Variants in THSD7A observed in about 807,000 individuals in gnomAD.
THSD7A encodes the protein thrombospondin type 1 domain containing 7A, also known as thrombospondin type-1 domain-containing protein 7A.
A neutral mutation model predicts 231.3 loss-of-function variants in THSD7A; 96 were observed. The ratio of observed to expected loss-of-function variants is 0.41; its 90% CI spans 0.35 to 0.49. The LOEUF is 0.49. Among genes scored for constraint, THSD7A ranks in the 20% least tolerant of loss-of-function variants. The pLI is 0.05. For synonymous variants in THSD7A, 940 were observed against 743.3 expected, an observed-to-expected ratio of 1.26 and a Z score of -4.30; for missense variants, 2,290 against 2,070.2, an observed-to-expected ratio of 1.11 and a Z score of -2.06.
chr7:11,425,741 C>T (rs978008719), intron 15 of THSD7A, among the ~76,000 whole-genome samples: 1 of 145,958 alleles, frequency 6.9e-6, no homozygotes, highest in East Asian at 1.9e-4. Flanking sequence ...TACACACACA[C>T]ACACACACAC....
At chr7:11,490,856 G>A (rs1457888041) in intron 6 of THSD7A, among the ~76,000 whole-genome samples, 1 of 152,064 alleles carries the variant, frequency 6.6e-6, no homozygotes, top group African/African-American at 2.4e-5. Context: ...CTTAATGGAA[G>A]CTAATAATAG....
chr7:11,420,675 C>T (rs909500794), intron 16 of THSD7A, among the ~76,000 whole-genome samples: 4 of 152,196 alleles, frequency 2.6e-5, no homozygotes, highest in East Asian at 1.9e-4. Flanking sequence ...GGCCACAGTT[C>T]TCCAGACCCC....
intron 23 of THSD7A, among the ~76,000 whole-genome samples, chr7:11,391,915 G>T: frequency 6.6e-6 from 1 of 152,028 alleles, no homozygotes; most frequent in East Asian, 2.0e-4. Context: ...CTTGCCCTCC[G>T]TGGGCTGCAC....
chr7:11,590,158 A>C lies in THSD7A; in HGVS notation c.1453+302T>G, dbSNP rs924346468. Among the ~76,000 whole-genome samples the C allele has an allele frequency of 2.0e-5, 3 of 152,174 alleles. No individual in the cohort carries two copies. Among genetic ancestry groups the C allele is most frequent in the Admixed American group, 6.5e-5 (1 of 15,278 alleles). On this transcript the variant is annotated intron_variant, in intron 4 of 27. Coordinates refer to ENST00000423059, the MANE Select transcript of THSD7A (RefSeq NM_015204.3). The surrounding 1 kb of genome is among the most constrained non-coding windows in gnomAD (Gnocchi z 4.4). The stretch of plus-strand genomic sequence containing the variant: ...CATGATATGTGTATATTTACAGATA[A>C]ATTTTCGTCTAGTTTTTACATTATT...
At chr7:11,724,471 A>C (rs1042468846) in intron 1 of THSD7A, among the ~76,000 whole-genome samples, 1 of 151,936 alleles carries the variant, frequency 6.6e-6, no homozygotes, top group East Asian at 2.0e-4. Flanking sequence ...TCAGTCATAC[A>C]GAATGTTACT....
intron 1 of THSD7A, among the ~76,000 whole-genome samples, chr7:11,770,263 A>T (rs1783179084): frequency 6.6e-6 from 1 of 152,156 alleles, no homozygotes; most frequent in Non-Finnish European, 1.5e-5. Flanking sequence ...AGTTTAAATA[A>T]TGTTGCACTC....
At chr7:11,824,336 T>A (rs1784961993) in intron 1 of THSD7A, among the ~76,000 whole-genome samples, 6 of 152,042 alleles carry the variant, frequency 3.9e-5, no homozygotes, top group Admixed American at 3.9e-4. Context: ...AGTATTCTCA[T>A]TCTAACTCAT....
intron 11 of THSD7A, among the ~76,000 whole-genome samples, chr7:11,451,016 C>T (rs1583766045): frequency 6.6e-6 from 1 of 152,026 alleles, no homozygotes; most frequent in Admixed American, 6.6e-5. Context: ...TGATATAGGA[C>T]AGGCTGCTCC....
intron 4 of THSD7A, among the ~76,000 whole-genome samples, chr7:11,584,150 C>T (rs936659130): frequency 1.3e-5 from 2 of 152,122 alleles, no homozygotes; most frequent in African/African-American, 4.8e-5. Context: ...CCATCCCCAC[C>T]CAAGGGCAAC....
intron 10 of THSD7A, among the ~76,000 whole-genome samples, chr7:11,461,572 T>C (rs150813598): frequency 5.5e-4 from 84 of 152,252 alleles, no homozygotes; most frequent in African/African-American, 1.9e-3. Flanking sequence ...ACCAGCATCA[T>C]TGAGATACAG....
At chr7:11,821,335 T>G in intron 1 of THSD7A, 1 of 736,808 alleles carries the variant, frequency 1.4e-6, no homozygotes. Context: ...TTCATTTCAT[T>G]TGGAGCTAAG....
intron 2 of THSD7A, among the ~76,000 whole-genome samples, chr7:11,625,076 T>A (rs2128355061): frequency 6.6e-6 from 1 of 152,224 alleles, no homozygotes; most frequent in South Asian, 2.1e-4. Flanking sequence ...AAATTCATAT[T>A]TATTATTCCA....
rs998502381 is a variant in THSD7A at position 11,807,197 on chromosome 7, T to C, written c.190+24560A>G. Among the ~76,000 whole-genome samples the C allele has an allele frequency of 3.9e-5, 6 of 152,088 alleles. No individual in the cohort carries two copies. In the East Asian group the frequency reaches 1.2e-3, roughly 29 times the overall value. Reference sequence around the variant, plus strand: ...AGCCCTTCTCCACTGCACGTGGTAATTGGGGGCAGCCATATGGGTAGATGC... The same window carrying C: ...AGCCCTTCTCCACTGCACGTGGTAACTGGGGGCAGCCATATGGGTAGATGC... On this transcript the variant is annotated intron_variant, in intron 1 of 27. Coordinates refer to ENST00000423059, the MANE Select transcript of THSD7A (RefSeq NM_015204.3).
chr7:11,560,999 A>G (rs369037990), intron 4 of THSD7A, among the ~76,000 whole-genome samples: 1 of 152,250 alleles, frequency 6.6e-6, no homozygotes, highest in East Asian at 1.9e-4. Context: ...TTCTTATAAA[A>G]CCCATGAGGT....
chr7:11,577,884 G>C (rs1790988821), intron 4 of THSD7A, among the ~76,000 whole-genome samples: 1 of 151,934 alleles, frequency 6.6e-6, no homozygotes, highest in Non-Finnish European at 1.5e-5. Context: ...AATTCGCAAG[G>C]CTTCTGAATC....
intron 1 of THSD7A, among the ~76,000 whole-genome samples, chr7:11,707,991 C>T (rs1780826389): frequency 6.6e-6 from 1 of 150,730 alleles, no homozygotes; most frequent in South Asian, 2.1e-4. Context: ...CTGAGGAACA[C>T]TAACATGTCA....
At chr7:11,601,516 C>T (rs1199531110) in intron 2 of THSD7A, among the ~76,000 whole-genome samples, 1 of 152,144 alleles carries the variant, frequency 6.6e-6, no homozygotes, top group African/African-American at 2.4e-5. Flanking sequence ...ACTGTAGGAT[C>T]ACTTCAAGAG....
intron 4 of THSD7A, among the ~76,000 whole-genome samples, chr7:11,553,491 G>C (rs1583961837): frequency 6.6e-6 from 1 of 152,130 alleles, no homozygotes; most frequent in African/African-American, 2.4e-5. Flanking sequence ...AGTTTATACT[G>C]AGATTTCTAT....
chr7:11,458,972 T>A (rs1785403826), intron 11 of THSD7A, among the ~76,000 whole-genome samples: 1 of 152,148 alleles, frequency 6.6e-6, no homozygotes, highest in South Asian at 2.1e-4. Context: ...AGGGAGGAAA[T>A]GAATCATCCA....
Sources: gnomAD v4.1 joint callset for allele counts (sites outside exome capture counted in the v4.1 genomes callset) on GRCh38, gnomAD v4.1.1 for gene constraint, Gnocchi (gnomAD v3.1) non-coding constraint, MANE v1.5 for transcripts, NCBI Gene and HGNC (gene_info 2026-07-23, HGNC 2026-07-21) for gene names.